PRKACB: variants seen among roughly 807,000 people sequenced by gnomAD.
PRKACB encodes protein kinase cAMP-activated catalytic subunit beta, also known as cAMP-dependent protein kinase catalytic subunit beta.
Under a neutral mutation model 51.4 loss-of-function variants are expected in PRKACB, and 16 were observed. That is an observed-to-expected ratio of 0.31 (90% confidence interval 0.21 to 0.47). PRKACB has a LOEUF of 0.47. Ranked by LOEUF, PRKACB falls within the 20% of genes least tolerant of loss-of-function variation. The probability of loss-of-function intolerance (pLI) is 1.00; values close to 1 mark genes in which losing one functional copy is unlikely to be tolerated. For synonymous variants in PRKACB, 147 were observed against 154.4 expected (o/e 0.95, Z 0.35); for missense variants, 309 against 464.5 (o/e 0.67, Z 3.08).
chr1:84,078,228 A>G, exon 1 of PRKACB: 1 of 1,387,752 alleles, frequency 7.2e-7, no homozygotes, highest in East Asian at 2.5e-5. Context: ...CACCGCTCTG[A>G]CGGGTGCAGA....
intron 1 of PRKACB, among the ~76,000 whole-genome samples, chr1:84,088,509 A>G (rs1401063734): frequency 6.6e-6 from 1 of 152,186 alleles, no homozygotes; most frequent in African/African-American, 2.4e-5. Context: ...GTGAGCCACA[A>G]ACTTGAGAGA....
intron 7 of PRKACB, among the ~76,000 whole-genome samples, chr1:84,200,892 C>A (rs1394995369): frequency 6.6e-6 from 1 of 152,070 alleles, no homozygotes; most frequent in Non-Finnish European, 1.5e-5. Context: ...AACAAGCATG[C>A]AAACATCATT....
chr1:84,146,127 TG>T (rs1363445265), intron 1 of PRKACB, among the ~76,000 whole-genome samples: 1 of 140,754 alleles, frequency 7.1e-6, no homozygotes, highest in African/African-American at 2.6e-5. Context: ...TGATTTCTAT[TG>T]GATAAAATGC....
At chr1:84,202,238 A>G (rs1670339964) in intron 7 of PRKACB, among the ~76,000 whole-genome samples, 1 of 152,092 alleles carries the variant, frequency 6.6e-6, no homozygotes, top group South Asian at 2.1e-4. Context: ...ATTATTTACT[A>G]TGTAGTCCAG....
chr1:84,142,732 C>G (rs181335915), upstream of PRKACB, among the ~76,000 whole-genome samples: 1 of 152,120 alleles, frequency 6.6e-6, no homozygotes, highest in South Asian at 2.1e-4. Flanking sequence ...CTTATAGATA[C>G]TGTTACATAC....
At chr1:84,234,941 T>C (rs894656060) in intron 9 of PRKACB, among the ~76,000 whole-genome samples, 6 of 152,184 alleles carry the variant, frequency 3.9e-5, no homozygotes, top group Non-Finnish European at 8.8e-5. Flanking sequence ...GCTTCTCCTC[T>C]TATCCCAGAA....
intron 9 of PRKACB, among the ~76,000 whole-genome samples, chr1:84,232,800 G>A (rs564901691): frequency 6.6e-6 from 1 of 152,140 alleles, no homozygotes; most frequent in Admixed American, 6.5e-5. Context: ...TTGAGCCTAT[G>A]TGTGTCTCTG....
chr1:84,078,084 T>TGCTGCCACCGCCGTCGCC (rs1553156550), upstream of PRKACB: 3 of 394,410 alleles, frequency 7.6e-6, no homozygotes, highest in African/African-American at 4.3e-5. Context: ...CCGCCACTGC[T>TGCTGCCACCGCCGTCGCC]GCTGCCACCG....
At chr1:84,138,505 A>G (rs949627492) in intron 1 of PRKACB, among the ~76,000 whole-genome samples, 1 of 152,230 alleles carries the variant, frequency 6.6e-6, no homozygotes, top group African/African-American at 2.4e-5. Flanking sequence ...CTGTTTATTG[A>G]AGACATTGTA....
chr1:84,195,013 T>G (rs1558216978), intron 5 of PRKACB, among the ~76,000 whole-genome samples: 1 of 152,228 alleles, frequency 6.6e-6, no homozygotes. Context: ...AAGTAAAAAG[T>G]AATCATATTA....
chr1:84,200,464 C>G (rs974716480), intron 7 of PRKACB, among the ~76,000 whole-genome samples: 3 of 152,112 alleles, frequency 2.0e-5, no homozygotes, highest in Middle Eastern at 3.2e-3. Context: ...GTTTCTTTTG[C>G]TGTGCAGAAT....
intron 1 of PRKACB, among the ~76,000 whole-genome samples, chr1:84,078,909 A>G (rs1027364013): frequency 3.9e-5 from 6 of 152,212 alleles, no homozygotes; most frequent in Admixed American, 3.3e-4. Context: ...AGGAATGGAA[A>G]ACATAATGAG....
intron 1 of PRKACB, among the ~76,000 whole-genome samples, chr1:84,147,091 A>G (rs1181061928): frequency 6.6e-6 from 1 of 152,186 alleles, no homozygotes; most frequent in East Asian, 1.9e-4. Context: ...GAGTTATACA[A>G]TGCTGACTTA....
chr1:84,096,750 A>T (rs1306903437), intron 1 of PRKACB, among the ~76,000 whole-genome samples: 2 of 151,978 alleles, frequency 1.3e-5, no homozygotes, highest in African/African-American at 4.8e-5. Flanking sequence ...TCTTTTTGTA[A>T]ATCTGTGCAA....
chr1:84,099,303 T>C (rs754640925), intron 1 of PRKACB, among the ~76,000 whole-genome samples: 3 of 152,112 alleles, frequency 2.0e-5, no homozygotes, highest in Admixed American at 6.6e-5. Context: ...AAAAGGATAA[T>C]ATATTCAGTG....
chr1:84,092,809 C>T (rs1648587783), intron 1 of PRKACB, among the ~76,000 whole-genome samples: 1 of 151,690 alleles, frequency 6.6e-6, no homozygotes, highest in Admixed American at 6.6e-5. Flanking sequence ...ATAATTTGTA[C>T]ATCCCTTATG....
intron 1 of PRKACB, among the ~76,000 whole-genome samples, chr1:84,112,651 C>G (rs961378455): frequency 1.3e-5 from 2 of 152,148 alleles, no homozygotes; most frequent in East Asian, 3.9e-4. Context: ...CTTAAATTGA[C>G]TAGCATCAAT....
chr1:84,114,621 C>T lies in PRKACB; in HGVS notation c.46+36250C>T. On this transcript the variant is annotated intron_variant, in intron 1 of 8. Coordinates refer to the PRKACB transcript ENST00000370688. ...TCTGCTATCAAACATTGAATATATT[C>T]CATTTTACTGTATGGTTGTACCCTT... 1.3e-5 allele frequency among the ~76,000 whole-genome samples: 2 copies of T among 152,100 alleles called. 1 individual carries two copies. The highest frequency in any genetic ancestry group is 2.9e-5 in the Non-Finnish European group (2 of 68,016).
At chr1:84,173,605 C>T (rs1198509911) in intron 1 of PRKACB, among the ~76,000 whole-genome samples, 2 of 151,716 alleles carry the variant, frequency 1.3e-5, no homozygotes, top group Non-Finnish European at 2.9e-5. Flanking sequence ...CCTAGATTTA[C>T]ACTTTCCAGA....
Sources: gnomAD v4.1 joint callset for allele counts (sites outside exome capture counted in the v4.1 genomes callset) on GRCh38, gnomAD v4.1.1 for gene constraint, MANE v1.5 for transcripts, NCBI Gene and HGNC (gene_info 2026-07-23, HGNC 2026-07-21) for gene names.